Variants in PNPLA1 observed in about 807,000 individuals in gnomAD.
The protein encoded by PNPLA1 is omega-hydroxyceramide transacylase.
In PNPLA1, 36 loss-of-function variants were observed where a neutral mutation model predicts 51.7. The observed-to-expected ratio is 0.70, with a 90% confidence interval of 0.53 to 0.92. The LOEUF (loss-of-function observed/expected upper bound fraction) is 0.92, where lower values mean the gene tolerates loss of function less well. PNPLA1 is among the 40% of genes least tolerant of loss of function. PNPLA1 has a pLI of 0.00. For synonymous variants in PNPLA1, 293 were observed against 280.1 expected (o/e 1.05, Z -0.46); for missense variants, 658 against 682.5 (o/e 0.96, Z 0.40).
chr6:36,291,287 C>T (rs754884565), intron 1 of PNPLA1, 33 bp from the exon 2 acceptor site: 1 of 1,580,680 alleles, frequency 6.3e-7, no homozygotes, highest in Non-Finnish European at 8.7e-7. Context: ...CTGGGTGGCA[C>T]CGACCACCCC....
chr6:36,267,278 A>T (rs756181612), upstream of PNPLA1, among the ~76,000 whole-genome samples: 7 of 152,186 alleles, frequency 4.6e-5, no homozygotes, highest in Non-Finnish European at 1.0e-4. Flanking sequence ...AATGAAAGGA[A>T]CCTTCTCAAG....
chr6:36,251,349 T>A (rs1769417946), intron 1 of PNPLA1, among the ~76,000 whole-genome samples: 1 of 152,190 alleles, frequency 6.6e-6, no homozygotes, highest in Non-Finnish European at 1.5e-5. Flanking sequence ...TGCTTAGCAA[T>A]GTCATAATAG....
intron 4 of PNPLA1, among the ~76,000 whole-genome samples, chr6:36,295,136 C>T (rs1770817330): frequency 6.6e-6 from 1 of 152,194 alleles, no homozygotes; most frequent in Non-Finnish European, 1.5e-5. Context: ...CGAGGCTCCA[C>T]CATGAATGGT....
chr6:36,266,732 C>A (rs1375275743), upstream of PNPLA1, among the ~76,000 whole-genome samples: 1 of 152,208 alleles, frequency 6.6e-6, no homozygotes, highest in African/African-American at 2.4e-5. Context: ...CTCCATTTGT[C>A]TGATTGTTTG....
At chr6:36,260,973 A>T (rs569970870) in intron 1 of PNPLA1, among the ~76,000 whole-genome samples, 47 of 152,034 alleles carry the variant, frequency 3.1e-4, no homozygotes, top group African/African-American at 1.1e-3. Flanking sequence ...ACAGGCATGC[A>T]CCACCACACC....
At chr6:36,251,122 C>T (rs1324712341) in intron 1 of PNPLA1, among the ~76,000 whole-genome samples, 1 of 152,212 alleles carries the variant, frequency 6.6e-6, no homozygotes, top group Non-Finnish European at 1.5e-5. Flanking sequence ...CAAATTTCCT[C>T]ATCTTGGGTC....
chr6:36,288,974 A>T (rs1056601434), intron 1 of PNPLA1, among the ~76,000 whole-genome samples: 2 of 152,186 alleles, frequency 1.3e-5, no homozygotes, highest in African/African-American at 4.8e-5. Context: ...CTGGAAAAAC[A>T]TTCACAACAT....
intron 2 of PNPLA1, among the ~76,000 whole-genome samples, chr6:36,292,668 TGCTC>T (rs1247428802): frequency 6.6e-6 from 1 of 152,170 alleles, no homozygotes; most frequent in Non-Finnish European, 1.5e-5. Flanking sequence ...GTCACCCACT[TGCTC>T]ACTCCCTCTC....
At chr6:36,266,230 G>A (rs79898117), upstream of PNPLA1, among the ~76,000 whole-genome samples, 7,097 of 152,276 alleles carry the variant, frequency 0.047, 455 homozygotes, top group African/African-American at 0.14. Flanking sequence ...AGACAAGAGC[G>A]AGAACCACCT....
chr6:36,273,616 G>C lies in PNPLA1; in HGVS notation c.205+2952G>C, dbSNP rs1157440154. 2.6e-5 allele frequency among the ~76,000 whole-genome samples: 4 copies of C among 151,426 alleles called. No homozygotes were observed. In the East Asian group the frequency reaches 7.8e-4, roughly 29 times the overall value. On this transcript the variant is annotated intron_variant, in intron 1 of 8. Transcript: ENST00000636260. ...ATGTCATCTTAAAATACAGCATCTG[G>C]GTGCAGTGGCTCATGCCTGTGATCC...
chr6:36,293,926 G>A (rs1292815693), intron 3 of PNPLA1, among the ~76,000 whole-genome samples: 6 of 152,152 alleles, frequency 3.9e-5, no homozygotes, highest in Non-Finnish European at 7.4e-5. Context: ...CAGTCTCAGC[G>A]CCACTAAGAT....
intron 1 of PNPLA1, among the ~76,000 whole-genome samples, chr6:36,271,103 A>C (rs959784310): frequency 5.3e-5 from 8 of 152,182 alleles, no homozygotes; most frequent in African/African-American, 1.4e-4. Flanking sequence ...TATCACCCTG[A>C]TGGGGACGTA....
chr6:36,269,246 G>A (rs78318630), upstream of PNPLA1, among the ~76,000 whole-genome samples: 15,835 of 152,234 alleles, frequency 0.1, 1,150 homozygotes, highest in Non-Finnish European at 0.16. Context: ...TTGCTGTGTG[G>A]TCTTTGAGGG....
At chr6:36,250,267 C>T (rs1197161751) in intron 1 of PNPLA1, among the ~76,000 whole-genome samples, 2 of 152,174 alleles carry the variant, frequency 1.3e-5, no homozygotes, top group Non-Finnish European at 2.9e-5. Flanking sequence ...CCTGTGGTCC[C>T]TTCTGCTTCT....
At chr6:36,309,720 C>T (rs1582110998) in intron 8 of PNPLA1, among the ~76,000 whole-genome samples, 1 of 152,192 alleles carries the variant, frequency 6.6e-6, no homozygotes, top group Non-Finnish European at 1.5e-5. Context: ...TTGTCTGCTG[C>T]GTTCCTTTAC....
In PNPLA1 at chr6:36,304,665, G is replaced by A. The variant is rs928389073; in HGVS notation, c.1385-1627G>A. ...AAAAAAAAAAAAGTCAGAAAATTGG[G>A]CGCAGTGTTTTACCTGCTCTCTTAT... On this transcript the variant is annotated intron_variant, in intron 6 of 8. Coordinates refer to ENST00000636260, the MANE Select transcript of PNPLA1 (RefSeq NM_001374623.1). 3.3e-5 allele frequency among the ~76,000 whole-genome samples: 5 copies of A among 151,280 alleles called. No homozygotes were observed. The East Asian group carries it at 7.7e-4, about 23-fold the overall frequency.
intron 1 of PNPLA1, among the ~76,000 whole-genome samples, chr6:36,277,535 T>G (rs186822564): frequency 2.6e-5 from 4 of 152,324 alleles, no homozygotes; most frequent in African/African-American, 9.6e-5. Flanking sequence ...CTGGAGAAAC[T>G]CTGCCCCTGC....
chr6:36,287,333 C>G (rs1385491541), intron 1 of PNPLA1, among the ~76,000 whole-genome samples: 1 of 152,038 alleles, frequency 6.6e-6, no homozygotes, highest in East Asian at 1.9e-4. Context: ...AGGAGGAGAA[C>G]CAGATTTACC....
At chr6:36,282,157 G>T (rs962213057) in intron 1 of PNPLA1, among the ~76,000 whole-genome samples, 1 of 133,396 alleles carries the variant, frequency 7.5e-6, no homozygotes, top group Admixed American at 8.0e-5. Flanking sequence ...CAGAGAGAGA[G>T]AGAAAGAAAG....
Sources: gnomAD v4.1 joint callset for allele counts (sites outside exome capture counted in the v4.1 genomes callset) on GRCh38, gnomAD v4.1.1 for gene constraint, MANE v1.5 for transcripts, NCBI Gene and HGNC (gene_info 2026-07-23, HGNC 2026-07-21) for gene names.